MPPED2: variants seen among roughly 807,000 people sequenced by gnomAD.
The protein encoded by MPPED2 is metallophosphoesterase domain containing 2, also known as metallophosphoesterase MPPED2.
Under a neutral mutation model 33.0 loss-of-function variants are expected in MPPED2, and 5 were observed. The observed-to-expected ratio is 0.15, with a 90% confidence interval of 0.08 to 0.32. MPPED2 has a LOEUF of 0.32. MPPED2 is among the 10% of genes least tolerant of loss of function. The pLI is 1.00. For synonymous variants in MPPED2, 136 were observed against 141.9 expected (o/e 0.96, Z 0.29); for missense variants, 275 against 372.1 (o/e 0.74, Z 2.15).
chr11:30,440,017 CTT>C (rs969450673), intron 4 of MPPED2, among the ~76,000 whole-genome samples: 8 of 152,262 alleles, frequency 5.3e-5, no homozygotes, highest in African/African-American at 1.4e-4. Flanking sequence ...CCAAATCTCT[CTT>C]GTTGTTTTTA....
chr11:30,446,911 G>A (rs1949837344), intron 4 of MPPED2, among the ~76,000 whole-genome samples: 1 of 152,192 alleles, frequency 6.6e-6, no homozygotes, highest in Non-Finnish European at 1.5e-5. Context: ...TAACTCAAGT[G>A]CTCTTTTGTA....
At position 30,448,416 on chromosome 11, in the gene MPPED2, C is replaced by T. The variant is rs75220145; in HGVS notation, c.537-30783G>A. On this transcript the variant is annotated intron_variant, in intron 4 of 6. Transcript: ENST00000358117. ...CCCTTGCCAGGGTCCCACCTAGAAG[C>T]CTCACTCCCTATCTATGGTCTGAAG... 9.1e-3 allele frequency among the ~76,000 whole-genome samples: 1,383 copies of T among 152,264 alleles called. 33 individuals carry two copies. The highest frequency in any genetic ancestry group is 0.029 in the African/African-American group (1,217 of 41,542).
chr11:30,547,796 A>G (rs1436079218), intron 2 of MPPED2, among the ~76,000 whole-genome samples: 1 of 152,152 alleles, frequency 6.6e-6, no homozygotes, highest in Non-Finnish European at 1.5e-5. Context: ...TTAACAACCT[A>G]AGTAAATTTT....
At chr11:30,410,003 C>G (rs1414803129), downstream of MPPED2, 2 of 688,680 alleles carry the variant, frequency 2.9e-6, no homozygotes, top group Non-Finnish European at 3.6e-6. Flanking sequence ...TAAGGCAAGA[C>G]AGATGACAGC....
chr11:30,552,126 A>C (rs1157144476), intron 2 of MPPED2, among the ~76,000 whole-genome samples: 1 of 152,184 alleles, frequency 6.6e-6, no homozygotes, highest in Non-Finnish European at 1.5e-5. Context: ...CATCTCTTAA[A>C]ATTATTATTC....
At chr11:30,411,913 AAGCCTTGTGTTAACTATTGAGTTCT>A (rs1186322325) in intron 6 of MPPED2, among the ~76,000 whole-genome samples, 8 of 152,078 alleles carry the variant, frequency 5.3e-5, no homozygotes, top group Admixed American at 3.9e-4. Flanking sequence ...TTTCATTTCA[AAGCCTTGTGTTAACTATTGAGTTCT>A]AGGGAATAAA....
intron 2 of MPPED2, among the ~76,000 whole-genome samples, chr11:30,576,448 G>T (rs1336690708): frequency 1.3e-5 from 2 of 152,164 alleles, no homozygotes; most frequent in Non-Finnish European, 2.9e-5. Context: ...AATCCTTAAA[G>T]AAAAACATGA....
chr11:30,582,921 G>A (rs1038789683), intron 1 of MPPED2, among the ~76,000 whole-genome samples: 4 of 152,090 alleles, frequency 2.6e-5, no homozygotes, highest in African/African-American at 9.7e-5. Context: ...ATGTTTCATC[G>A]AAACAGTGCA....
chr11:30,451,862 C>G (rs1228499385), intron 4 of MPPED2: 2 of 984,882 alleles, frequency 2.0e-6, no homozygotes, highest in Non-Finnish European at 2.4e-6. Context: ...GATCTGGAGA[C>G]AGCAGACCTA....
chr11:30,513,220 A>G (rs1414737994), intron 3 of MPPED2, among the ~76,000 whole-genome samples: 1 of 152,194 alleles, frequency 6.6e-6, no homozygotes, highest in African/African-American at 2.4e-5. Flanking sequence ...TAGTCCAGAG[A>G]CAGGAGTCCT....
intron 3 of MPPED2, chr11:30,504,932 T>G: frequency 8.8e-5 from 49 of 554,266 alleles, no homozygotes; most frequent in Non-Finnish European, 1.4e-4. Context: ...AGCCCGGTGG[T>G]CCACTGCAGG....
At chr11:30,455,743 A>G (rs1369861482) in intron 4 of MPPED2, among the ~76,000 whole-genome samples, 2 of 152,208 alleles carry the variant, frequency 1.3e-5, no homozygotes, top group Non-Finnish European at 2.9e-5. Flanking sequence ...CCCTTTCCAG[A>G]TCAGCTTGGC....
At chr11:30,403,950 T>C (rs1947950787) in intron 6 of MPPED2, among the ~76,000 whole-genome samples, 1 of 152,234 alleles carries the variant, frequency 6.6e-6, no homozygotes, top group Admixed American at 6.5e-5. Context: ...CTTCCTGTTA[T>C]GAGTTCCAGA....
chr11:30,534,689 A>G (rs1473290504), intron 3 of MPPED2, among the ~76,000 whole-genome samples: 1 of 152,194 alleles, frequency 6.6e-6, no homozygotes, highest in Non-Finnish European at 1.5e-5. Flanking sequence ...AAAAACCATA[A>G]AGAATTTCAT....
At chr11:30,497,404 G>A (rs1952319511) in intron 3 of MPPED2, among the ~76,000 whole-genome samples, 1 of 152,162 alleles carries the variant, frequency 6.6e-6, no homozygotes, top group African/African-American at 2.4e-5. Context: ...CCCAAAGCCG[G>A]AACAGGCTAA....
chr11:30,560,302 GTT>G (rs370373531), intron 2 of MPPED2, among the ~76,000 whole-genome samples: 21 of 144,820 alleles, frequency 1.5e-4, no homozygotes, highest in South Asian at 6.6e-4. Context: ...TGACTAACAA[GTT>G]TTTTTTTTAA....
chr11:30,535,637 A>G (rs541583222), intron 3 of MPPED2, among the ~76,000 whole-genome samples: 38 of 152,230 alleles, frequency 2.5e-4, no homozygotes, highest in Admixed American at 9.2e-4. Context: ...CTTTGCTTAT[A>G]ATATCTGGGG....
intron 3 of MPPED2, among the ~76,000 whole-genome samples, chr11:30,522,498 G>C (rs1953930541): frequency 6.6e-6 from 1 of 152,046 alleles, no homozygotes; most frequent in Non-Finnish European, 1.5e-5. Flanking sequence ...GTATATGAGT[G>C]TTCATTGTAT....
intron 4 of MPPED2, among the ~76,000 whole-genome samples, chr11:30,446,708 G>A (rs1414461837): frequency 6.6e-6 from 1 of 152,096 alleles, no homozygotes; most frequent in African/African-American, 2.4e-5. Context: ...CACTAAAGAA[G>A]TGCATAACAG....
Sources: allele counts gnomAD v4.1 joint callset (sites outside exome capture counted in the v4.1 genomes callset), GRCh38; gene constraint gnomAD v4.1.1; transcripts MANE v1.5; gene names NCBI Gene and HGNC (gene_info 2026-07-23, HGNC 2026-07-21).